The following ADGRB3 variants were observed in gnomAD, a reference collection of about 807,000 sequenced individuals.
ADGRB3 encodes adhesion G protein-coupled receptor B3, also known as brain-specific angiogenesis inhibitor 3.
Under a neutral mutation model 193.4 loss-of-function variants are expected in ADGRB3, and 37 were observed. The ratio of observed to expected loss-of-function variants is 0.19; its 90% CI spans 0.15 to 0.25. The LOEUF is 0.25. Among genes scored for constraint, ADGRB3 ranks in the 10% least tolerant of loss-of-function variants. The pLI is 1.00. For synonymous variants in ADGRB3, 690 were observed against 644.2 expected (o/e 1.07, Z -1.08); for missense variants, 1,637 against 1,852.9 (o/e 0.88, Z 2.14).
At position 69,172,648 on chromosome 6, in the gene ADGRB3, A is replaced by G. The variant is rs1485296230; in HGVS notation, c.2481-60642A>G. On this transcript the variant is annotated intron_variant, in intron 17 of 31. Coordinates refer to ENST00000370598, the MANE Select transcript of ADGRB3 (RefSeq NM_001704.3). ...GACAGAGCGAGACTCTGTCTCAAAA[A>G]AAAAAAAAAAAAAAAAAAAAAAAAG... Among the ~76,000 whole-genome samples the G allele has an allele frequency of 1.7e-4, 17 of 102,414 alleles. No individual in the cohort carries two copies. The East Asian group carries it at 3.5e-3, about 21-fold the overall frequency. 67.2% of individuals were successfully genotyped at this position (102,414 alleles called of 152,430 possible).
chr6:69,301,020 A>G (rs1473167212), intron 20 of ADGRB3, among the ~76,000 whole-genome samples: 2 of 151,830 alleles, frequency 1.3e-5, no homozygotes, highest in Admixed American at 6.6e-5. Context: ...ATGAGTTGGA[A>G]CTGCACAGGT....
chr6:69,223,183 A>C (rs1315243533), intron 17 of ADGRB3, among the ~76,000 whole-genome samples: 1 of 152,202 alleles, frequency 6.6e-6, no homozygotes, highest in Non-Finnish European at 1.5e-5. Flanking sequence ...ATAGCTGTTT[A>C]TATAAATGTC....
At chr6:69,104,099 A>G (rs1043666518) in intron 17 of ADGRB3, among the ~76,000 whole-genome samples, 3 of 151,854 alleles carry the variant, frequency 2.0e-5, no homozygotes, top group African/African-American at 7.3e-5. Context: ...GGTTAGTTAC[A>G]TATGTATACA....
intron 17 of ADGRB3, among the ~76,000 whole-genome samples, chr6:69,143,844 A>G (rs1211805085): frequency 6.6e-6 from 1 of 152,154 alleles, no homozygotes; most frequent in Non-Finnish European, 1.5e-5. Flanking sequence ...CTTTCTGCTC[A>G]GGACAGCTTT....
intron 3 of ADGRB3, 23 bp downstream of exon 3, chr6:68,639,455 G>T: frequency 6.4e-7 from 1 of 1,566,160 alleles, no homozygotes; most frequent in Non-Finnish European, 8.6e-7. Context: ...GAGAGGGGAA[G>T]GTGAGCGGGG....
At chr6:69,232,620 G>C in intron 17 of ADGRB3, 2 of 1,535,522 alleles carry the variant, frequency 1.3e-6, no homozygotes, top group Non-Finnish European at 1.7e-6. Flanking sequence ...GTGTGGAGTA[G>C]GAAGCTTAGG....
At chr6:68,929,332 G>C (rs1221573660) in intron 3 of ADGRB3, among the ~76,000 whole-genome samples, 3 of 152,124 alleles carry the variant, frequency 2.0e-5, no homozygotes, top group Non-Finnish European at 4.4e-5. Context: ...CTTTTGAGTA[G>C]ATTATCTGTA....
intron 17 of ADGRB3, among the ~76,000 whole-genome samples, chr6:69,114,940 A>G (rs1438587157): frequency 6.6e-6 from 1 of 152,222 alleles, no homozygotes; most frequent in Non-Finnish European, 1.5e-5. Context: ...AAAAGTCAAG[A>G]AACAACAGAT....
chr6:68,863,608 G>A (rs1428602681), intron 3 of ADGRB3, among the ~76,000 whole-genome samples: 1 of 151,906 alleles, frequency 6.6e-6, no homozygotes, highest in South Asian at 2.1e-4. Flanking sequence ...GTATGTCCAA[G>A]TACAGTACAT....
intron 3 of ADGRB3, among the ~76,000 whole-genome samples, chr6:68,897,128 T>C (rs984464424): frequency 5.9e-5 from 9 of 151,940 alleles, no homozygotes; most frequent in Non-Finnish European, 1.3e-4. Context: ...AGGGAAGATA[T>C]TGCAGAAAGG....
At chr6:69,108,576 G>C (rs191289382) in intron 17 of ADGRB3, among the ~76,000 whole-genome samples, 1 of 152,074 alleles carries the variant, frequency 6.6e-6, no homozygotes, top group Admixed American at 6.6e-5. Flanking sequence ...TGTGTGTGAT[G>C]GCAAATTGTG....
At chr6:69,122,128 G>A (rs986402669) in intron 17 of ADGRB3, among the ~76,000 whole-genome samples, 2 of 151,918 alleles carry the variant, frequency 1.3e-5, no homozygotes, top group Admixed American at 6.6e-5. Context: ...GTGGCGAGCC[G>A]AGATCACGCC....
intron 17 of ADGRB3, among the ~76,000 whole-genome samples, chr6:69,158,822 A>C (rs576503258): frequency 1.3e-5 from 2 of 152,144 alleles, no homozygotes; most frequent in African/African-American, 4.8e-5. Context: ...TCTTCTTGCA[A>C]CTCCAAAGTG....
At chr6:69,240,814 T>G (rs941447704) in intron 20 of ADGRB3, among the ~76,000 whole-genome samples, 2 of 151,990 alleles carry the variant, frequency 1.3e-5, no homozygotes, top group Non-Finnish European at 1.5e-5. Flanking sequence ...GTTCATACAC[T>G]GGTTAATACC....
At chr6:69,117,599 T>C (rs2150328219) in intron 17 of ADGRB3, among the ~76,000 whole-genome samples, 1 of 149,514 alleles carries the variant, frequency 6.7e-6, no homozygotes, top group South Asian at 2.1e-4. Context: ...GTTTAAAATG[T>C]AATTACCTCA....
chr6:68,883,508 A>T (rs955589841), intron 3 of ADGRB3, among the ~76,000 whole-genome samples: 1 of 152,186 alleles, frequency 6.6e-6, no homozygotes, highest in African/African-American at 2.4e-5. Context: ...TACTGCCTTT[A>T]TGAGCTGTAA....
At chr6:68,932,954 T>A (rs1468213491) in intron 4 of ADGRB3, among the ~76,000 whole-genome samples, 1 of 143,788 alleles carries the variant, frequency 7.0e-6, no homozygotes, top group East Asian at 2.0e-4. Context: ...AAAAGCAATC[T>A]TTCTACAGAG....
intron 15 of ADGRB3, among the ~76,000 whole-genome samples, chr6:69,049,740 G>A (rs913309189): frequency 6.6e-6 from 1 of 152,120 alleles, no homozygotes; most frequent in Non-Finnish European, 1.5e-5. Context: ...GTGTCATGAT[G>A]ACTGGGAAAA....
In ADGRB3 at chr6:68,894,280, G is replaced by A. The variant is rs1004228795; in HGVS notation, c.758-36279G>A. On this transcript the variant is annotated intron_variant, in intron 3 of 31. Coordinates refer to ENST00000370598, the MANE Select transcript of ADGRB3 (RefSeq NM_001704.3). ...CTCCACATTTAGAAAAAGCAAAATG[G>A]TGCTTTATTTTAGCTTCTAAATGAT... 3.3e-5 allele frequency among the ~76,000 whole-genome samples: 5 copies of A among 151,874 alleles called. No homozygotes were observed. In the East Asian group the frequency reaches 9.7e-4, roughly 29 times the overall value.
Sources: gnomAD v4.1 joint callset for allele counts (sites outside exome capture counted in the v4.1 genomes callset) on GRCh38, gnomAD v4.1.1 for gene constraint, MANE v1.5 for transcripts, NCBI Gene and HGNC (gene_info 2026-07-23, HGNC 2026-07-21) for gene names.